SYT1: variants seen among roughly 807,000 people sequenced by gnomAD.
SYT1 encodes synaptotagmin-1.
In SYT1, 8 loss-of-function variants were observed where a neutral mutation model predicts 44.8. The ratio of observed to expected loss-of-function variants is 0.18; its 90% CI spans 0.10 to 0.32. SYT1 has a LOEUF of 0.32. Among genes scored for constraint, SYT1 ranks in the 10% least tolerant of loss-of-function variants. The pLI is 1.00. For missense variants in SYT1, 286 were observed against 509.3 expected (o/e 0.56, Z 4.22); for synonymous variants, 154 against 188.8 (o/e 0.82, Z 1.51).
At chr12:78,980,618 C>T (rs1383492735) in intron 2 of SYT1, among the ~76,000 whole-genome samples, 1 of 152,018 alleles carries the variant, frequency 6.6e-6, no homozygotes, top group Non-Finnish European at 1.5e-5. Flanking sequence ...ATAAAGAATG[C>T]TATAAATGCT....
chr12:79,280,039 A>C (rs1878960840), intron 4 of SYT1, among the ~76,000 whole-genome samples: 1 of 152,156 alleles, frequency 6.6e-6, no homozygotes, highest in Non-Finnish European at 1.5e-5. Context: ...GATTAAAAGA[A>C]TCAATATTGT....
At chr12:78,997,545 C>T (rs543989082) in intron 2 of SYT1, among the ~76,000 whole-genome samples, 1 of 152,210 alleles carries the variant, frequency 6.6e-6, no homozygotes, top group Non-Finnish European at 1.5e-5. Flanking sequence ...TTTCTTTTCT[C>T]TTGAGTTTAT....
chr12:78,950,013 C>A (rs1333846922), intron 1 of SYT1, among the ~76,000 whole-genome samples: 1 of 151,888 alleles, frequency 6.6e-6, no homozygotes, highest in Non-Finnish European at 1.5e-5. Context: ...TTTCTGTTAA[C>A]CCACAATTCT....
At chr12:79,171,621 T>G (rs1871528286) in intron 3 of SYT1, among the ~76,000 whole-genome samples, 1 of 152,002 alleles carries the variant, frequency 6.6e-6, no homozygotes, top group Non-Finnish European at 1.5e-5. Context: ...TCACTTATTC[T>G]ATTCAGTAAA....
intron 4 of SYT1, among the ~76,000 whole-genome samples, chr12:79,261,624 A>G (rs2138730878): frequency 6.6e-6 from 1 of 152,324 alleles, no homozygotes; most frequent in East Asian, 1.9e-4. Flanking sequence ...GGTTAAAAAA[A>G]TTAAATTTTA....
chr12:79,401,415 C>T (rs930546701), intron 9 of SYT1, among the ~76,000 whole-genome samples: 43 of 151,746 alleles, frequency 2.8e-4, no homozygotes, highest in African/African-American at 9.4e-4. Flanking sequence ...AAAAGTGTGC[C>T]ATAATAATCT....
chr12:79,001,753 T>C, intron 2 of SYT1, among the ~76,000 whole-genome samples: 1 of 152,214 alleles, frequency 6.6e-6, no homozygotes. Context: ...AATATTTTTG[T>C]CAAAGTGATG....
intron 1 of SYT1, among the ~76,000 whole-genome samples, chr12:78,949,896 A>C (rs1878872150): frequency 6.6e-6 from 1 of 152,046 alleles, no homozygotes. Context: ...AAAACCTTTA[A>C]GATATGCATT....
intron 3 of SYT1, among the ~76,000 whole-genome samples, chr12:79,204,761 CTT>C (rs1229717012): frequency 7.0e-6 from 1 of 142,178 alleles, no homozygotes; most frequent in Non-Finnish European, 1.5e-5. Context: ...AAAAGAGAGA[CTT>C]TGCTCCTGTT....
chr12:78,936,431 A>G (rs1436923519), intron 1 of SYT1, among the ~76,000 whole-genome samples: 3 of 152,146 alleles, frequency 2.0e-5, no homozygotes, highest in Admixed American at 6.6e-5. Flanking sequence ...TGTTTCTTAA[A>G]TCATTACATA....
chr12:79,441,631 CTTTT>C (rs1400693741), intron 9 of SYT1, among the ~76,000 whole-genome samples: 2 of 152,096 alleles, frequency 1.3e-5, no homozygotes, highest in African/African-American at 4.8e-5. Context: ...CCTCTGTTCT[CTTTT>C]TTATGTATCA....
intron 9 of SYT1, among the ~76,000 whole-genome samples, chr12:79,433,827 G>A (rs1287525220): frequency 6.6e-6 from 1 of 152,156 alleles, no homozygotes; most frequent in African/African-American, 2.4e-5. Flanking sequence ...AAAACATCCA[G>A]ATTATACAAA....
chr12:79,018,322 C>T (rs193069442), intron 2 of SYT1, among the ~76,000 whole-genome samples: 14 of 137,286 alleles, frequency 1.0e-4, no homozygotes, highest in Admixed American at 6.5e-4. Context: ...GGAAGGGGAA[C>T]ATCACACACC....
intron 3 of SYT1, among the ~76,000 whole-genome samples, chr12:79,187,604 C>A (rs1241027874): frequency 6.6e-6 from 1 of 152,070 alleles, no homozygotes; most frequent in Non-Finnish European, 1.5e-5. Context: ...TCATGTATCA[C>A]CTCACGTTAT....
intron 1 of SYT1, among the ~76,000 whole-genome samples, chr12:78,926,113 T>A (rs1349393953): frequency 6.6e-6 from 1 of 151,988 alleles, no homozygotes; most frequent in Non-Finnish European, 1.5e-5. Context: ...ATGTTATAAT[T>A]GTTAGATTGC....
At chr12:79,295,778 C>T (rs1879848475) in intron 6 of SYT1, among the ~76,000 whole-genome samples, 1 of 152,138 alleles carries the variant, frequency 6.6e-6, no homozygotes, top group Non-Finnish European at 1.5e-5. Flanking sequence ...TTGATTACAA[C>T]TCTTTTGCAA....
At chr12:79,372,163 T>G (rs1416757524) in intron 9 of SYT1, among the ~76,000 whole-genome samples, 1 of 152,202 alleles carries the variant, frequency 6.6e-6, no homozygotes, top group Non-Finnish European at 1.5e-5. Context: ...TGTGAACTCC[T>G]TTAAGGAGAC....
chr12:78,954,777 T>A (rs562849572), intron 1 of SYT1, among the ~76,000 whole-genome samples: 3 of 152,206 alleles, frequency 2.0e-5, no homozygotes, highest in Admixed American at 2.0e-4. Context: ...AAATGCTAGA[T>A]CTAAAGGAGC....
chr12:79,035,954 A>AACAAAC (rs1873103232), intron 2 of SYT1, among the ~76,000 whole-genome samples: 1 of 151,270 alleles, frequency 6.6e-6, no homozygotes, highest in Admixed American at 6.6e-5. Flanking sequence ...ACAAACAAAA[A>AACAAAC]AAAAAAAAAC....
Sources: gnomAD v4.1 joint callset for allele counts (sites outside exome capture counted in the v4.1 genomes callset) on GRCh38, gnomAD v4.1.1 for gene constraint, MANE v1.5 for transcripts, NCBI Gene and HGNC (gene_info 2026-07-23, HGNC 2026-07-21) for gene names.